WDR7: variants seen among roughly 807,000 people sequenced by gnomAD.
WDR7 encodes WD repeat-containing protein 7.
A neutral mutation model predicts 169.4 loss-of-function variants in WDR7; 46 were observed. The observed-to-expected ratio is 0.27, with a 90% CI of 0.21 to 0.35. WDR7 has a LOEUF of 0.35. Among genes scored for constraint, WDR7 ranks in the 10% least tolerant of loss-of-function variants. WDR7 has a pLI of 1.00. For missense variants in WDR7, 1,534 were observed against 1,859.3 expected (o/e 0.83, Z 3.22); for synonymous variants, 612 against 666.8 (o/e 0.92, Z 1.27).
intron 26 of WDR7, among the ~76,000 whole-genome samples, chr18:56,991,034 C>T (rs1167111289): frequency 6.6e-6 from 1 of 152,212 alleles, no homozygotes; most frequent in African/African-American, 2.4e-5. Context: ...TTGGGTTGCT[C>T]ACTGCCTGTT....
At chr18:56,996,364 C>G (rs570712514) in intron 26 of WDR7, among the ~76,000 whole-genome samples, 1 of 152,172 alleles carries the variant, frequency 6.6e-6, no homozygotes, top group Non-Finnish European at 1.5e-5. Flanking sequence ...AGGGATTCAT[C>G]TAATAGATTC....
In WDR7 at chr18:56,682,686, A is replaced by G; in HGVS notation, c.353A>G (p.Gln118Arg). The G allele has an allele frequency of 6.2e-7, 1 of 1,612,802 alleles. No homozygotes were observed. The highest frequency in any genetic ancestry group is 8.5e-7 in the Non-Finnish European group (1 of 1,179,514). ...ACTHTGIQFY[Q>R]FSVGNQREGR... ...CTTTTGGCATGAATGTAGTTCTACC[A>G]GTTCTCTGTTGGGAATCAGCGAGAA... The change falls in exon 5 of 28, where the codon CAG becomes CGG. Residue 118 changes from glutamine to arginine, a missense_variant. Physicochemically the swap from Gln to Arg is conservative, Grantham distance 43 (BLOSUM62 1). Transcript: ENST00000254442.
rs1308494286 is a variant in WDR7 at position 56,731,427 on chromosome 18, C to T, written c.1819C>T (p.Leu607=). The T allele has an allele frequency of 1.9e-6, 3 of 1,614,162 alleles. No individual in the cohort carries two copies. The highest frequency in any genetic ancestry group is 2.5e-6 in the Non-Finnish European group (3 of 1,180,034). The change falls in exon 14 of 28, where the codon CTA becomes TTA. Residue 607 remains leucine (L), a synonymous_variant. Coordinates refer to ENST00000254442, the MANE Select transcript of WDR7 (RefSeq NM_015285.3). ...GATGGGGATAACAGCAGTTGAGATTCTAAACGCTTGTGATGAAGCTGTTCC... is the reference window on the plus strand; with the variant it reads ...GATGGGGATAACAGCAGTTGAGATTTTAAACGCTTGTGATGAAGCTGTTCC... The part of the protein sequence containing the change: ...CVMGITAVEI[L]NACDEAVPAA...
intron 1 of WDR7, among the ~76,000 whole-genome samples, chr18:56,666,401 C>G (rs2025025542): frequency 6.6e-6 from 1 of 151,740 alleles, no homozygotes; most frequent in African/African-American, 2.4e-5. Flanking sequence ...CGGGGTTTCT[C>G]CATTTGGTCA....
At chr18:56,829,008 A>G (rs1384932283) in intron 20 of WDR7, among the ~76,000 whole-genome samples, 1 of 151,742 alleles carries the variant, frequency 6.6e-6, no homozygotes, top group African/African-American at 2.4e-5. Context: ...TTTAGGCAAC[A>G]TCCCTTAGGA....
chr18:56,725,734 C>T (rs1431075137), intron 13 of WDR7, among the ~76,000 whole-genome samples: 1 of 152,108 alleles, frequency 6.6e-6, no homozygotes. Flanking sequence ...TTGCCTATGC[C>T]TATGTCCTGA....
intron 26 of WDR7, among the ~76,000 whole-genome samples, chr18:57,006,455 A>G (rs573911673): frequency 2.0e-5 from 3 of 152,318 alleles, no homozygotes; most frequent in Middle Eastern, 6.8e-3. Flanking sequence ...ATTAAGTACT[A>G]AAGAGTTTGA....
intron 19 of WDR7, among the ~76,000 whole-genome samples, chr18:56,791,953 T>C (rs2044493379): frequency 6.6e-6 from 1 of 152,206 alleles, no homozygotes; most frequent in Non-Finnish European, 1.5e-5. Flanking sequence ...CATTTTATAG[T>C]TTCCAAATTA....
At chr18:56,981,125 A>G (rs2047638553) in intron 26 of WDR7, among the ~76,000 whole-genome samples, 2 of 152,170 alleles carry the variant, frequency 1.3e-5, no homozygotes, top group South Asian at 4.1e-4. Context: ...ATTGGGAGAA[A>G]TGAACCAATT....
intron 19 of WDR7, among the ~76,000 whole-genome samples, chr18:56,786,766 G>A (rs1388308694): frequency 1.3e-5 from 2 of 151,834 alleles, no homozygotes; most frequent in Admixed American, 6.6e-5. Flanking sequence ...TATGGCATAC[G>A]TTCTTGTAAT....
intron 21 of WDR7, among the ~76,000 whole-genome samples, chr18:56,899,173 G>A (rs558927518): frequency 1.3e-5 from 2 of 151,932 alleles, no homozygotes; most frequent in East Asian, 1.9e-4. Flanking sequence ...AGAAAGTTTG[G>A]TACAGTTTTA....
At chr18:57,010,276 T>G in intron 26 of WDR7, 1 of 985,400 alleles carries the variant, frequency 1.0e-6, no homozygotes, top group Non-Finnish European at 1.2e-6. Context: ...CATATGCAAG[T>G]GAAACTTTAA....
At chr18:56,677,228 T>C (rs1005208402) in intron 2 of WDR7, among the ~76,000 whole-genome samples, 3 of 152,196 alleles carry the variant, frequency 2.0e-5, no homozygotes, top group Non-Finnish European at 2.9e-5. Flanking sequence ...TCTTTCAGGC[T>C]TCAGGGATAT....
intron 16 of WDR7, among the ~76,000 whole-genome samples, chr18:56,774,526 T>C (rs2044212452): frequency 6.6e-6 from 1 of 152,180 alleles, no homozygotes; most frequent in Non-Finnish European, 1.5e-5. Context: ...TAGCAGCTTT[T>C]CTGTTAAGAA....
intron 21 of WDR7, 44 bp downstream of exon 21, chr18:56,880,209 C>G: frequency 1.3e-6 from 2 of 1,560,530 alleles, no homozygotes; most frequent in Non-Finnish European, 1.7e-6. Flanking sequence ...CTTCTGAATA[C>G]ATATTATTTG....
intron 16 of WDR7, among the ~76,000 whole-genome samples, chr18:56,771,023 G>A (rs2044146956): frequency 6.6e-6 from 1 of 152,130 alleles, no homozygotes; most frequent in Non-Finnish European, 1.5e-5. Flanking sequence ...ACTTTCCTCT[G>A]TGTTTTTCAT....
intron 6 of WDR7, among the ~76,000 whole-genome samples, chr18:56,686,369 C>T (rs1462247193): frequency 6.6e-6 from 1 of 152,028 alleles, no homozygotes; most frequent in Middle Eastern, 3.2e-3. Flanking sequence ...CAAATCACCA[C>T]AAAAAATATA....
intron 16 of WDR7, 79 bp from the exon 17 acceptor site, chr18:56,776,703 T>G: frequency 2.4e-6 from 3 of 1,246,590 alleles, no homozygotes; most frequent in Non-Finnish European, 2.4e-6. Context: ...TTTTCATTCT[T>G]CACTAATACT....
At chr18:57,003,303 C>T (rs2048008918) in intron 26 of WDR7, among the ~76,000 whole-genome samples, 1 of 151,868 alleles carries the variant, frequency 6.6e-6, no homozygotes, top group Admixed American at 6.6e-5. Context: ...AAGACTAATG[C>T]TATGTTTGAA....
Sources: allele counts gnomAD v4.1 joint callset (sites outside exome capture counted in the v4.1 genomes callset), GRCh38; gene constraint gnomAD v4.1.1; transcripts MANE v1.5; gene names NCBI Gene and HGNC (gene_info 2026-07-23, HGNC 2026-07-21).